WDR4: variants seen among roughly 807,000 people sequenced by gnomAD.
WDR4 encodes the protein tRNA (guanine-N(7)-)-methyltransferase non-catalytic subunit WDR4.
WDR4 carries 47 observed loss-of-function variants against 48.6 expected under a neutral mutation model. The observed-to-expected ratio is 0.97, with a 90% CI of 0.77 to 1.23. The LOEUF is 1.23. Ranked by LOEUF, WDR4 falls within the 50% of genes most tolerant of loss-of-function variation. The probability of loss-of-function intolerance (pLI) is 0.00; values close to 1 mark genes in which losing one functional copy is unlikely to be tolerated. For missense variants in WDR4, 606 were observed against 551.6 expected (o/e 1.10, Z -0.99); for synonymous variants, 268 against 230.0 (o/e 1.17, Z -1.49).
At chr21:42,873,885 ACTAAACAGAAAAT>A (rs1569335538) in intron 2 of WDR4, among the ~76,000 whole-genome samples, 194 bp from the exon 3 acceptor site, 1 of 152,220 alleles carries the variant, frequency 6.6e-6, no homozygotes, top group Non-Finnish European at 1.5e-5. Flanking sequence ...ATGAAGCCTA[ACTAAACAGAAAAT>A]CTCCCAGCAT....
Position 42,854,625 on chromosome 21 carries a change from T to G in WDR4, c.728A>C (p.Lys243Thr). The G allele has an allele frequency of 6.2e-7, 1 of 1,613,386 alleles. No individual in the cohort carries two copies. Among genetic ancestry groups the G allele is most frequent in the Non-Finnish European group, 8.5e-7 (1 of 1,179,788 alleles). The change falls in exon 8 of 11, where the codon AAG becomes ACG. Residue 243 changes from lysine (K) to threonine (T), a missense_variant and splice_region_variant. Coordinates refer to ENST00000398208, the MANE Select transcript of WDR4 (RefSeq NM_018669.6). ...GAATGCAATCCTGGACGCGGCAAACTTCTAAAAGGAGAAGAAGCCCATTAA... is the reference window on the plus strand; with the variant it reads ...GAATGCAATCCTGGACGCGGCAAACGTCTAAAAGGAGAAGAAGCCCATTAA... ...QELVDPQAPQKFAASRIAFWC... is the reference protein window; with the variant it reads ...QELVDPQAPQTFAASRIAFWC...
chr21:42,863,242 G>A (rs1425979138), intron 4 of WDR4, among the ~76,000 whole-genome samples, 198 bp downstream of exon 4: 1 of 152,202 alleles, frequency 6.6e-6, no homozygotes, highest in Non-Finnish European at 1.5e-5. Context: ...ACCAAACGCT[G>A]GGGCACAGAC....
intron 3 of WDR4, among the ~76,000 whole-genome samples, chr21:42,867,798 C>T (rs535163847): frequency 6.4e-4 from 97 of 152,008 alleles, no homozygotes; most frequent in African/African-American, 2.3e-3. Context: ...CTGCTGGCCT[C>T]AAGGGATCCT....
the WDR4 span, among the ~76,000 whole-genome samples, chr21:42,892,526 G>A: frequency 6.7e-6 from 1 of 148,654 alleles, no homozygotes; most frequent in African/African-American, 2.5e-5. Context: ...CCATTTAAAT[G>A]ACTGTGGCAG....
At chr21:42,886,930 C>A in the WDR4 span, 1 of 152,248 alleles carries the variant, frequency 6.6e-6, no homozygotes, top group Non-Finnish European at 1.5e-5. Context: ...TCCTGCTGGA[C>A]AAGCCCACAG....
chr21:42,875,107 C>G (rs1031615690), intron 2 of WDR4, among the ~76,000 whole-genome samples: 1 of 152,134 alleles, frequency 6.6e-6, no homozygotes, highest in Non-Finnish European at 1.5e-5. Flanking sequence ...TTGAAAAGAA[C>G]CTACGTGAAA....
Position 42,852,298 on chromosome 21 carries a change from C to G in WDR4, c.1002G>C (p.Lys334Asn). 1 of 1,614,154 alleles carries G rather than the reference C, an allele frequency of 6.2e-7. No individual in the cohort carries two copies. Among genetic ancestry groups the G allele is most frequent in the South Asian group, 1.1e-5 (1 of 91,056 alleles). ...WQSVPESTVL[K>N]KVSGVLRGNW... Reference sequence around the variant, plus strand: ...TCCCACGAAGAACACCAGAGACTTTCTTTAACACGGTGCTCTCAGGAACAG... The same window carrying G: ...TCCCACGAAGAACACCAGAGACTTTGTTTAACACGGTGCTCTCAGGAACAG... The change falls in exon 10 of 11, where the codon AAG (lysine) becomes AAC (asparagine). Residue 334 changes from lysine (K) to asparagine (N), a missense_variant. Transcript: ENST00000398208.
chr21:42,863,115 T>C (rs2058157094), intron 4 of WDR4, among the ~76,000 whole-genome samples: 1 of 152,144 alleles, frequency 6.6e-6, no homozygotes, highest in Admixed American at 6.5e-5. Flanking sequence ...CCTGTCTCAC[T>C]TGCCTTCTTC....
In WDR4 at chr21:42,862,219, G is replaced by T; in HGVS notation, c.566+63C>A. 1.4e-6 allele frequency: 2 copies of T among 1,451,778 alleles called. No homozygotes were observed. 89.9% of individuals were successfully genotyped at this position (1,451,778 alleles called of 1,614,324 possible). ...CAGCTACAACGGCACCTGCTGAGCC[G>T]CAAGCTGACGCTGTTTTCAAACAGA... On this transcript the variant is annotated intron_variant, in intron 5 of 10. Transcript: ENST00000398208. The surrounding 1 kb of genome is among the most constrained non-coding windows in gnomAD (Gnocchi z 4.3).
At position 42,860,906 on chromosome 21, in the gene WDR4, T is replaced by C. The variant is rs567217618; in HGVS notation, c.567-1184A>G. On this transcript the variant is annotated intron_variant, in intron 5 of 10. Transcript: ENST00000398208. The stretch of plus-strand genomic sequence containing the variant: ...GGGAGACGGCCAGTGAACCAACTGA[T>C]ACTGCAATGTCAGCAAAGGGCACAG... Among the ~76,000 whole-genome samples, 3 of 152,256 alleles carry C rather than the reference T, an allele frequency of 2.0e-5. No homozygotes were observed. The South Asian group carries it at 6.2e-4, about 32-fold the overall frequency.
At chr21:42,859,461 G>A (rs958268822) in intron 6 of WDR4, among the ~76,000 whole-genome samples, 7 of 151,864 alleles carry the variant, frequency 4.6e-5, no homozygotes, top group African/African-American at 1.7e-4. Context: ...GAACACACAC[G>A]CACCTACGCA....
intron 1 of WDR4, among the ~76,000 whole-genome samples, chr21:42,878,622 C>A (rs192247059): frequency 6.6e-6 from 1 of 152,160 alleles, no homozygotes; most frequent in African/African-American, 2.4e-5. Flanking sequence ...GGAAAGGAAA[C>A]GAGGGGCTGA....
upstream of WDR4, among the ~76,000 whole-genome samples, chr21:42,881,824 G>A (rs558406656): frequency 4.0e-5 from 6 of 151,392 alleles, no homozygotes; most frequent in South Asian, 1.3e-3. Flanking sequence ...TTTTTTTTGA[G>A]GCGGAGTTTC....
chr21:42,865,352 C>T lies in WDR4; in HGVS notation c.297-1756G>A, dbSNP rs1027367016. Among the ~76,000 whole-genome samples the T allele has an allele frequency of 3.9e-5, 6 of 152,310 alleles. No homozygotes were observed. The South Asian group carries it at 8.3e-4, about 21-fold the overall frequency. On this transcript the variant is annotated intron_variant, in intron 3 of 10. Transcript: ENST00000398208. ...AATGTCCGATGGGCTCATTAAGCAG[C>T]TGCCACAAACACGACCATGGTGGCA... is the stretch of plus-strand genomic sequence containing the variant.
At position 42,862,373 on chromosome 21, in the gene WDR4, A is replaced by T. The variant is rs1360096220; in HGVS notation, c.475T>A (p.Phe159Ile). The change falls in exon 5 of 11, where the codon TTC becomes ATC. Residue 159 changes from phenylalanine (F) to isoleucine (I), a missense_variant. By Grantham distance (21) the Phe-to-Ile change is conservative. Coordinates refer to ENST00000398208, the MANE Select transcript of WDR4 (RefSeq NM_018669.6). The surrounding 1 kb of genome is among the most constrained non-coding windows in gnomAD (Gnocchi z 4.3). ...LDVAVSPDDR[F>I]ILTADRDEKI... ...TCGTCCCGGTCGGCAGTGAGGATGA[A>T]GCGGTCATCAGGACTCACAGCCTGC... 9 of 1,609,170 alleles carry T rather than the reference A, an allele frequency of 5.6e-6. No individual in the cohort carries two copies. The highest frequency in any genetic ancestry group is 1.7e-5 in the Admixed American group (1 of 59,482).
chr21:42,863,890 A>C, intron 3 of WDR4, among the ~76,000 whole-genome samples: 1 of 136,536 alleles, frequency 7.3e-6, no homozygotes, highest in Non-Finnish European at 1.5e-5. Flanking sequence ...GTGGATCACA[A>C]GGTCAGGAGA....
At chr21:42,852,220 T>C in intron 10 of WDR4, 35 bp downstream of exon 10, 1 of 1,612,028 alleles carries the variant, frequency 6.2e-7, no homozygotes, top group South Asian at 1.1e-5. Flanking sequence ...GCGCTGGGTG[T>C]GACCCCCAAG....
At chr21:42,856,886 C>G (rs368772895) in intron 6 of WDR4, among the ~76,000 whole-genome samples, 1 of 151,958 alleles carries the variant, frequency 6.6e-6, no homozygotes, top group African/African-American at 2.4e-5. Flanking sequence ...AACCTCTCTA[C>G]GAAGACAAGA....
At chr21:42,881,382 C>T (rs1381993473), upstream of WDR4, among the ~76,000 whole-genome samples, 1 of 151,314 alleles carries the variant, frequency 6.6e-6, no homozygotes, top group African/African-American at 2.4e-5. Context: ...AAAGTGTGCT[C>T]TAAATTCTGC....
Sources: allele counts gnomAD v4.1 joint callset (sites outside exome capture counted in the v4.1 genomes callset), GRCh38; gene constraint gnomAD v4.1.1; non-coding constraint Gnocchi (gnomAD v3.1); transcripts MANE v1.5; gene names NCBI Gene and HGNC (gene_info 2026-07-23, HGNC 2026-07-21).